The following CLNK variants were observed in gnomAD, a reference collection of about 807,000 sequenced individuals.
CLNK encodes cytokine-dependent hematopoietic cell linker.
CLNK carries 74 observed loss-of-function variants against 68.6 expected under a neutral mutation model. The ratio of observed to expected loss-of-function variants is 1.08; its 90% CI spans 0.89 to 1.31. The LOEUF (loss-of-function observed/expected upper bound fraction) is 1.31. Ranked by LOEUF, CLNK falls within the 50% of genes most tolerant of loss-of-function variation. CLNK has a pLI of 0.00. For synonymous variants in CLNK, 198 were observed against 172.2 expected (o/e 1.15, Z -1.17); for missense variants, 553 against 515.3 (o/e 1.07, Z -0.71).
At chr4:10,537,682 C>CTTT (rs1560206905) in intron 11 of CLNK, among the ~76,000 whole-genome samples, 15 of 22,492 alleles carry the variant, frequency 6.7e-4, no homozygotes, top group African/African-American at 1.9e-3. Flanking sequence ...TTTCTTTCTT[C>CTTT]CTTCCTTCCT....
chr4:10,699,494 C>CTCTCTCTCTCTA, the CLNK span, among the ~76,000 whole-genome samples: 178 of 56,872 alleles, frequency 3.1e-3, no homozygotes, highest in Non-Finnish European at 4.6e-3. Flanking sequence ...CTCTCTCTCT[C>CTCTCTCTCTCTA]TATATATATA....
intron 4 of CLNK, among the ~76,000 whole-genome samples, chr4:10,584,486 G>A (rs150970160): frequency 6.6e-5 from 10 of 152,298 alleles, no homozygotes; most frequent in African/African-American, 2.2e-4. Flanking sequence ...CAGAAAATAG[G>A]CTATGAAGAG....
At chr4:10,491,592 G>A (rs1162268049) in intron 18 of CLNK, among the ~76,000 whole-genome samples, 2 of 152,048 alleles carry the variant, frequency 1.3e-5, no homozygotes, top group African/African-American at 4.8e-5. Flanking sequence ...CGGAAAGTAA[G>A]ATTATTTCAG....
intron 18 of CLNK, among the ~76,000 whole-genome samples, chr4:10,492,468 C>T (rs926791301): frequency 5.9e-5 from 9 of 152,146 alleles, no homozygotes; most frequent in Admixed American, 1.3e-4. Context: ...ACAGGGATGA[C>T]GTTCTGTTGG....
intron 2 of CLNK, among the ~76,000 whole-genome samples, chr4:10,599,596 T>C (rs551936856): frequency 6.6e-6 from 1 of 152,314 alleles, no homozygotes; most frequent in South Asian, 2.1e-4. Context: ...TCTGGATCTT[T>C]CTAATTGGTT....
intron 2 of CLNK, among the ~76,000 whole-genome samples, chr4:10,644,777 C>T (rs1723446619): frequency 6.6e-6 from 1 of 152,232 alleles, no homozygotes; most frequent in Non-Finnish European, 1.5e-5. Context: ...TTCATTATGG[C>T]TCAGCAAGAA....
upstream of CLNK, among the ~76,000 whole-genome samples, chr4:10,686,781 G>A (rs1725287604): frequency 2.0e-5 from 3 of 152,072 alleles, no homozygotes; most frequent in African/African-American, 7.2e-5. Flanking sequence ...CATCCAATTG[G>A]TGGCTAGACT....
intron 2 of CLNK, among the ~76,000 whole-genome samples, chr4:10,621,143 T>A (rs890250989): frequency 6.6e-6 from 1 of 152,040 alleles, no homozygotes; most frequent in Non-Finnish European, 1.5e-5. Context: ...AGTACCTCAG[T>A]CACCAAGAGG....
At chr4:10,701,334 C>G in the CLNK span, among the ~76,000 whole-genome samples, 1 of 152,148 alleles carries the variant, frequency 6.6e-6, no homozygotes, top group African/African-American at 2.4e-5. Flanking sequence ...TGAAGGTCCC[C>G]CATGAAACAT....
chr4:10,535,571 T>G (rs1343787568), intron 11 of CLNK, among the ~76,000 whole-genome samples: 1 of 152,228 alleles, frequency 6.6e-6, no homozygotes, highest in East Asian at 1.9e-4. Context: ...AGGATGATTT[T>G]ATTTGGTGCA....
chr4:10,683,921 A>G (rs1175747369), intron 1 of CLNK, among the ~76,000 whole-genome samples: 1 of 152,198 alleles, frequency 6.6e-6, no homozygotes, highest in Non-Finnish European at 1.5e-5. Flanking sequence ...AGAGAAGCCA[A>G]ATGAGTAACA....
chr4:10,682,840 C>T (rs1056397626), intron 1 of CLNK, among the ~76,000 whole-genome samples: 1 of 152,154 alleles, frequency 6.6e-6, no homozygotes, highest in South Asian at 2.1e-4. Context: ...GCCTACATTA[C>T]ATAGGGCTAT....
intron 3 of CLNK, 116 bp from the exon 4 acceptor site, chr4:10,585,071 C>T: frequency 1.1e-6 from 1 of 952,246 alleles, no homozygotes; most frequent in Non-Finnish European, 1.7e-6. Flanking sequence ...TCTGAAGCTG[C>T]TTTATGTATG....
At chr4:10,564,312 T>C (rs988881154) in intron 7 of CLNK, among the ~76,000 whole-genome samples, 5 of 152,176 alleles carry the variant, frequency 3.3e-5, no homozygotes, top group Admixed American at 6.5e-5. Flanking sequence ...ATTTACCATG[T>C]TGGGCCGAGA....
intron 2 of CLNK, among the ~76,000 whole-genome samples, chr4:10,601,540 G>A (rs777579870): frequency 1.2e-4 from 18 of 152,176 alleles, no homozygotes; most frequent in Non-Finnish European, 1.6e-4. Flanking sequence ...AATGCTGGGA[G>A]ATTTATAAAC....
At position 10,487,495 on chromosome 4, in the gene CLNK, A is replaced by T. The variant is rs1361307083; in HGVS notation, c.*2972T>A. 1 of 152,212 alleles carries T rather than the reference A, an allele frequency of 6.6e-6. No homozygotes were observed. The highest frequency in any genetic ancestry group is 1.5e-5 in the Non-Finnish European group (1 of 68,030). 9.4% of individuals were successfully genotyped at this position (152,212 alleles called of 1,614,324 possible). On this transcript the variant is annotated 3_prime_UTR_variant, in exon 19 of 19. Transcript: ENST00000226951. ...CTACAATCAACACTGAAAACAGTGA[A>T]TTCAGGATGTTGCTGTGGCAGGCCA...
chr4:10,604,512 G>C (rs892209331), intron 2 of CLNK, among the ~76,000 whole-genome samples: 2 of 151,966 alleles, frequency 1.3e-5, no homozygotes, highest in African/African-American at 4.8e-5. Context: ...CTAGATGCCA[G>C]TCAACATCCA....
intron 5 of CLNK, among the ~76,000 whole-genome samples, chr4:10,570,479 C>A (rs1181944366): frequency 6.6e-6 from 1 of 152,138 alleles, no homozygotes; most frequent in Admixed American, 6.5e-5. Flanking sequence ...TATCTATTTT[C>A]TAACAATTTC....
upstream of CLNK, among the ~76,000 whole-genome samples, chr4:10,688,453 C>T (rs1272451257): frequency 2.0e-5 from 3 of 152,094 alleles, no homozygotes; most frequent in Non-Finnish European, 4.4e-5. Flanking sequence ...GACCATGGTG[C>T]CTGGATGGCT....
Sources: allele counts gnomAD v4.1 joint callset (sites outside exome capture counted in the v4.1 genomes callset), GRCh38; gene constraint gnomAD v4.1.1; transcripts MANE v1.5; gene names NCBI Gene and HGNC (gene_info 2026-07-23, HGNC 2026-07-21).